The following KANSL1 variants were observed in gnomAD, a reference collection of about 807,000 sequenced individuals.
The protein encoded by KANSL1 is MLL1/MLL complex subunit KANSL1.
Under a neutral mutation model 103.6 loss-of-function variants are expected in KANSL1, and 22 were observed. The observed-to-expected ratio is 0.21, with a 90% CI of 0.15 to 0.30. The LOEUF is 0.30. Ranked by LOEUF, KANSL1 falls within the 10% of genes least tolerant of loss-of-function variation. The pLI is 1.00. For missense variants in KANSL1, 1,337 were observed against 1,399.8 expected, an observed-to-expected ratio of 0.96 and a Z score of 0.72; for synonymous variants, 600 against 527.6, an observed-to-expected ratio of 1.14 and a Z score of -1.88.
chr17:46,101,393 G>T (rs1378452223), intron 2 of KANSL1, among the ~76,000 whole-genome samples: 1 of 152,280 alleles, frequency 6.6e-6, no homozygotes, highest in South Asian at 2.1e-4. Flanking sequence ...GCTTCACAAA[G>T]TTGTGATAGC....
At chr17:46,118,149 A>G (rs1202638602) in intron 2 of KANSL1, among the ~76,000 whole-genome samples, 1 of 152,244 alleles carries the variant, frequency 6.6e-6, no homozygotes, top group Admixed American at 6.5e-5. Context: ...CAATGTTTTT[A>G]AACTCTTAGA....
chr17:46,205,674 C>T (rs149627418), intron 1 of KANSL1, among the ~76,000 whole-genome samples: 1 of 100,784 alleles, frequency 9.9e-6, no homozygotes, highest in African/African-American at 3.1e-5. Context: ...GAATGAGACA[C>T]TGTCTCAAAA....
intron 1 of KANSL1, among the ~76,000 whole-genome samples, chr17:46,191,885 G>C (rs2047346784): frequency 6.6e-6 from 1 of 152,134 alleles, no homozygotes; most frequent in Admixed American, 6.5e-5. Flanking sequence ...CGCGGCAGTC[G>C]GTCTGCCGAC....
chr17:46,205,410 G>C (rs55945179), intron 1 of KANSL1, among the ~76,000 whole-genome samples: 1 of 151,532 alleles, frequency 6.6e-6, no homozygotes, highest in Non-Finnish European at 1.5e-5. Context: ...AGCCAAGCAC[G>C]ATGGCTCACA....
At chr17:46,168,562 G>C (rs2046123824) in intron 2 of KANSL1, among the ~76,000 whole-genome samples, 1 of 152,118 alleles carries the variant, frequency 6.6e-6, no homozygotes, top group Non-Finnish European at 1.5e-5. Flanking sequence ...GGTCAAACTG[G>C]TCTCGAACTC....
At chr17:46,121,331 C>T (rs1490889215) in intron 2 of KANSL1, 1 of 152,414 alleles carries the variant, frequency 6.6e-6, no homozygotes, top group Admixed American at 6.5e-5. Flanking sequence ...TACCTCAGTT[C>T]CCTTTTCTGT....
At chr17:46,051,580 T>G (rs762168429) in intron 6 of KANSL1, among the ~76,000 whole-genome samples, 1 of 152,226 alleles carries the variant, frequency 6.6e-6, no homozygotes, top group Non-Finnish European at 1.5e-5. Flanking sequence ...GATCCCTACA[T>G]TCTAGTGTTA....
In KANSL1 at chr17:46,133,683, A is replaced by G. The variant is rs932558747; in HGVS notation, c.1289+37172T>C. Among the ~76,000 whole-genome samples, 4 of 152,232 alleles carry G rather than the reference A, an allele frequency of 2.6e-5. No individual in the cohort carries two copies. The East Asian group carries it at 7.7e-4, about 29-fold the overall frequency. Reference sequence around the variant, plus strand: ...GTATCTTTATTACAAAATAGTTGTTAAAAGTTTGATTCGAAAAATTTTAAG... The same window carrying G: ...GTATCTTTATTACAAAATAGTTGTTGAAAGTTTGATTCGAAAAATTTTAAG... On this transcript the variant is annotated intron_variant, in intron 2 of 14. Transcript: ENST00000432791.
intron 1 of KANSL1, among the ~76,000 whole-genome samples, chr17:46,207,697 G>T (rs569987327): frequency 6.6e-6 from 1 of 152,354 alleles, no homozygotes; most frequent in Admixed American, 6.5e-5. Context: ...ATCTCATCAG[G>T]TTGAGCACAG....
At chr17:46,216,954 A>T (rs187163427) in intron 1 of KANSL1, among the ~76,000 whole-genome samples, 4 of 152,222 alleles carry the variant, frequency 2.6e-5, no homozygotes, top group African/African-American at 4.8e-5. Flanking sequence ...AAAAATATTT[A>T]AAAATAGCCA....
At chr17:46,167,937 C>G (rs1335636551) in intron 2 of KANSL1, among the ~76,000 whole-genome samples, 1 of 152,218 alleles carries the variant, frequency 6.6e-6, no homozygotes, top group Non-Finnish European at 1.5e-5. Context: ...TAAGCAACAT[C>G]ATTTAAAAAC....
intron 1 of KANSL1, among the ~76,000 whole-genome samples, chr17:46,181,177 G>A (rs1039267243): frequency 6.6e-6 from 1 of 152,120 alleles, no homozygotes; most frequent in Non-Finnish European, 1.5e-5. Context: ...AAAACATGAT[G>A]GCTTATAAAG....
chr17:46,107,534 T>C (rs2042620133), intron 2 of KANSL1, among the ~76,000 whole-genome samples: 1 of 152,256 alleles, frequency 6.6e-6, no homozygotes, highest in Non-Finnish European at 1.5e-5. Flanking sequence ...ATTGTCTTTT[T>C]GAATTCCTTG....
At chr17:46,173,895 T>G (rs2147770030) in intron 1 of KANSL1, among the ~76,000 whole-genome samples, 1 of 152,356 alleles carries the variant, frequency 6.6e-6, no homozygotes, top group South Asian at 2.1e-4. Flanking sequence ...CTTTATGAAT[T>G]CTCAGGAAAA....
chr17:46,198,134 AAGGT>A (rs1354725162), upstream of KANSL1, among the ~76,000 whole-genome samples: 3 of 152,056 alleles, frequency 2.0e-5, no homozygotes, highest in Non-Finnish European at 4.4e-5. Flanking sequence ...ATAAATGAAA[AAGGT>A]AGAGTGTAGT....
chr17:46,062,819 G>A (rs2078226900), intron 6 of KANSL1, among the ~76,000 whole-genome samples: 1 of 152,068 alleles, frequency 6.6e-6, no homozygotes, highest in African/African-American at 2.4e-5. Flanking sequence ...GGAGGCCGAG[G>A]CGGGTGGATC....
chr17:46,124,163 C>G (rs2043410437), intron 2 of KANSL1, among the ~76,000 whole-genome samples: 1 of 152,192 alleles, frequency 6.6e-6, no homozygotes, highest in African/African-American at 2.4e-5. Context: ...CTCTGGGAGG[C>G]CAAGGAGGGA....
At chr17:46,142,125 A>G (rs2044452624) in intron 2 of KANSL1, among the ~76,000 whole-genome samples, 1 of 152,228 alleles carries the variant, frequency 6.6e-6, no homozygotes, top group Non-Finnish European at 1.5e-5. Context: ...AAATAAAAAC[A>G]TGTACAAGGA....
At chr17:46,181,539 C>G (rs2046795410) in intron 1 of KANSL1, among the ~76,000 whole-genome samples, 1 of 152,222 alleles carries the variant, frequency 6.6e-6, no homozygotes, top group Non-Finnish European at 1.5e-5. Flanking sequence ...AAACGATTCT[C>G]CTACCACAAC....
Sources: gnomAD v4.1 joint callset for allele counts (sites outside exome capture counted in the v4.1 genomes callset) on GRCh38, gnomAD v4.1.1 for gene constraint, MANE v1.5 for transcripts, NCBI Gene and HGNC (gene_info 2026-07-23, HGNC 2026-07-21) for gene names.